CHCHD6: variants seen among roughly 807,000 people sequenced by gnomAD.
The protein encoded by CHCHD6 is coiled-coil-helix-coiled-coil-helix domain containing 6.
CHCHD6 carries 28 observed loss-of-function variants against 32.3 expected under a neutral mutation model. The observed-to-expected ratio is 0.87, with a 90% CI of 0.64 to 1.19. The LOEUF is 1.19. Ranked by LOEUF, CHCHD6 falls within the 50% of genes most tolerant of loss-of-function variation. The pLI is 0.00. For synonymous variants in CHCHD6, 122 were observed against 117.5 expected (o/e 1.04, Z -0.25); for missense variants, 333 against 307.0 (o/e 1.08, Z -0.63).
intron 6 of CHCHD6, among the ~76,000 whole-genome samples, chr3:126,931,555 G>A (rs562070456): frequency 9.2e-5 from 14 of 152,288 alleles, no homozygotes; most frequent in South Asian, 4.1e-4. Context: ...TTGAGGAGCC[G>A]GTAAACTTTG....
At chr3:126,804,655 T>C (rs1196215952) in intron 4 of CHCHD6, among the ~76,000 whole-genome samples, 2 of 152,180 alleles carry the variant, frequency 1.3e-5, no homozygotes, top group African/African-American at 4.8e-5. Context: ...TCTGAAACTA[T>C]TCCAATCAAT....
chr3:126,799,480 C>T (rs752685820), intron 4 of CHCHD6, among the ~76,000 whole-genome samples: 74 of 152,244 alleles, frequency 4.9e-4, no homozygotes, highest in African/African-American at 1.5e-3. Context: ...TGTGATAAAA[C>T]GTGGATCCAT....
At chr3:126,864,402 C>G (rs1481094494) in intron 5 of CHCHD6, among the ~76,000 whole-genome samples, 9 of 149,260 alleles carry the variant, frequency 6.0e-5, no homozygotes, top group African/African-American at 2.2e-4. Flanking sequence ...ACCACCTCCT[C>G]CTCCTCCTCC....
Position 126,914,577 on chromosome 3 carries a change from G to T in CHCHD6, c.496-103G>T, listed in dbSNP as rs76833790. Reference sequence around the variant, plus strand: ...TAATTACCAGTCGGCTTTGATGCCCGTCAAGAAATTAGCATCTGTCAATTT... The same window carrying T: ...TAATTACCAGTCGGCTTTGATGCCCTTCAAGAAATTAGCATCTGTCAATTT... On this transcript the variant is annotated intron_variant, in intron 5 of 7. Transcript: ENST00000290913. 4,391 of 759,744 alleles carry T rather than the reference G, an allele frequency of 5.8e-3. 102 individuals carry two copies. In the East Asian group the frequency reaches 0.073, roughly 13 times the overall value. 47.1% of individuals were successfully genotyped at this position (759,744 alleles called of 1,614,324 possible).
intron 1 of CHCHD6, among the ~76,000 whole-genome samples, chr3:126,724,601 A>G (rs1283164575): frequency 6.6e-6 from 1 of 152,120 alleles, no homozygotes; most frequent in Non-Finnish European, 1.5e-5. Flanking sequence ...ACAACAATGA[A>G]GTTTGCCACA....
chr3:126,944,478 CCAGG>C (rs2078606251), intron 6 of CHCHD6, among the ~76,000 whole-genome samples: 1 of 152,236 alleles, frequency 6.6e-6, no homozygotes, highest in African/African-American at 2.4e-5. Flanking sequence ...TTCCTGGCTT[CCAGG>C]CACTCCTGTC....
At chr3:126,809,675 G>C (rs1002458743) in intron 4 of CHCHD6, among the ~76,000 whole-genome samples, 1 of 152,186 alleles carries the variant, frequency 6.6e-6, no homozygotes, top group South Asian at 2.1e-4. Flanking sequence ...TGTGGATGGT[G>C]TGCCACAGAG....
intron 4 of CHCHD6, among the ~76,000 whole-genome samples, chr3:126,796,122 G>T (rs894163736): frequency 3.9e-5 from 6 of 152,136 alleles, no homozygotes; most frequent in South Asian, 2.1e-4. Flanking sequence ...AGGAGGGAGG[G>T]TTGCTTGAGC....
chr3:126,930,748 C>T (rs2078392249), intron 6 of CHCHD6, among the ~76,000 whole-genome samples: 1 of 152,204 alleles, frequency 6.6e-6, no homozygotes, highest in Non-Finnish European at 1.5e-5. Context: ...AACCTCTATC[C>T]ATCCCTACCC....
intron 4 of CHCHD6, among the ~76,000 whole-genome samples, chr3:126,817,955 A>G (rs1939980065): frequency 6.6e-6 from 1 of 152,200 alleles, no homozygotes; most frequent in South Asian, 2.1e-4. Flanking sequence ...GCCTAGGTTC[A>G]AATCCTGATT....
At chr3:126,795,461 G>A (rs1383738620) in intron 4 of CHCHD6, among the ~76,000 whole-genome samples, 2 of 152,082 alleles carry the variant, frequency 1.3e-5, no homozygotes. Context: ...TTTTCTTTCT[G>A]AGTTAAGAAT....
chr3:126,792,904 T>C (rs1938620883), intron 4 of CHCHD6, among the ~76,000 whole-genome samples: 1 of 152,222 alleles, frequency 6.6e-6, no homozygotes, highest in Non-Finnish European at 1.5e-5. Flanking sequence ...ATTTGTTCTG[T>C]GTATTTTGGA....
intron 4 of CHCHD6, among the ~76,000 whole-genome samples, chr3:126,815,730 C>G (rs941242213): frequency 1.4e-5 from 2 of 147,900 alleles, no homozygotes; most frequent in Non-Finnish European, 3.0e-5. Flanking sequence ...AAACACATAA[C>G]TGGTCATGCC....
chr3:126,836,160 G>C (rs993519576), intron 4 of CHCHD6, among the ~76,000 whole-genome samples: 3 of 152,206 alleles, frequency 2.0e-5, no homozygotes, highest in African/African-American at 7.2e-5. Context: ...ACCTCACCAG[G>C]GCTGCAAGGC....
intron 4 of CHCHD6, among the ~76,000 whole-genome samples, chr3:126,819,999 C>A (rs1940082043): frequency 3.3e-5 from 5 of 152,208 alleles, no homozygotes; most frequent in Admixed American, 2.6e-4. Flanking sequence ...GCTTCAGAGG[C>A]AGACCTGGGT....
At chr3:126,862,304 CTACCAT>C (rs1441376853) in intron 5 of CHCHD6, among the ~76,000 whole-genome samples, 1 of 126,482 alleles carries the variant, frequency 7.9e-6, no homozygotes, top group African/African-American at 3.0e-5. Context: ...TCCTCCTCCT[CTACCAT>C]CATCACCTCC....
chr3:126,818,630 C>T (rs1940015233), intron 4 of CHCHD6, among the ~76,000 whole-genome samples: 1 of 152,182 alleles, frequency 6.6e-6, no homozygotes, highest in African/African-American at 2.4e-5. Context: ...ACTCTCCTGC[C>T]CACAGAGGCT....
chr3:126,745,467 A>G (rs79485262), intron 4 of CHCHD6, among the ~76,000 whole-genome samples: 4,692 of 152,318 alleles, frequency 0.031, 100 homozygotes, highest in Non-Finnish European at 0.04. Context: ...AAGGTGGTCA[A>G]TACATTCTTG....
chr3:126,948,798 G>A (rs575966330), intron 6 of CHCHD6, among the ~76,000 whole-genome samples: 11 of 152,200 alleles, frequency 7.2e-5, no homozygotes, highest in African/African-American at 1.2e-4. Context: ...ACCTGGCTTC[G>A]AATTGAGGAA....
Sources: allele counts gnomAD v4.1 joint callset (sites outside exome capture counted in the v4.1 genomes callset), GRCh38; gene constraint gnomAD v4.1.1; transcripts MANE v1.5; gene names NCBI Gene and HGNC (gene_info 2026-07-23, HGNC 2026-07-21).